Variants in TNS3 observed in about 807,000 individuals in gnomAD.
TNS3 encodes tensin-3.
In TNS3, 45 loss-of-function variants were observed where a neutral mutation model predicts 140.9. That is an observed-to-expected ratio of 0.32 (90% CI 0.25 to 0.41). The LOEUF is 0.41. Ranked by LOEUF, TNS3 falls within the 10% of genes least tolerant of loss-of-function variation. The pLI, the probability that TNS3 is intolerant of heterozygous loss-of-function variation, is 1.00. For synonymous variants in TNS3, 815 were observed against 788.4 expected, an observed-to-expected ratio of 1.03 and a Z score of -0.56; for missense variants, 1,716 against 1,906.7, an observed-to-expected ratio of 0.90 and a Z score of 1.86.
intron 17 of TNS3, among the ~76,000 whole-genome samples, chr7:47,360,232 A>G (rs1189113649): frequency 2.6e-5 from 4 of 152,182 alleles, no homozygotes; most frequent in Non-Finnish European, 4.4e-5. Context: ...GTGCACTCAC[A>G]TACACATGAC....
intron 3 of TNS3, among the ~76,000 whole-genome samples, chr7:47,482,353 G>C (rs1463781155): frequency 2.0e-5 from 3 of 152,184 alleles, no homozygotes; most frequent in Non-Finnish European, 4.4e-5. Flanking sequence ...TCCTGTGTCT[G>C]GGACACATCA....
At chr7:47,487,392 C>T (rs917362792) in intron 3 of TNS3, among the ~76,000 whole-genome samples, 2 of 152,184 alleles carry the variant, frequency 1.3e-5, no homozygotes, top group Non-Finnish European at 2.9e-5. Context: ...CTTGGCTCCT[C>T]TAATCGTTTC....
intron 8 of TNS3, among the ~76,000 whole-genome samples, chr7:47,430,834 C>G (rs1352077402): frequency 1.3e-5 from 2 of 151,976 alleles, no homozygotes; most frequent in African/African-American, 4.8e-5. Context: ...GATTCTCGTG[C>G]CTCAGCCTCC....
chr7:47,293,892 G>T, intron 24 of TNS3, 64 bp from the exon 25 acceptor site: 1 of 1,473,692 alleles, frequency 6.8e-7, no homozygotes, highest in South Asian at 1.2e-5. Context: ...GAATTCAATA[G>T]AGAGAACATA....
Position 47,275,777 on chromosome 7 carries a change from T to G in TNS3, c.*2299A>C, listed in dbSNP as rs1207502512. ...GATGCCCTTGACCACGTTTACCTTG[T>G]GTAAAAATCACACCTGGCCAATGAG... On this transcript the variant is annotated 3_prime_UTR_variant, in exon 31 of 31. Coordinates refer to ENST00000311160, the MANE Select transcript of TNS3 (RefSeq NM_022748.12). 2.2e-6 allele frequency: 1 copy of G among 455,468 alleles called. No individual in the cohort carries two copies. Among genetic ancestry groups the G allele is most frequent in the Admixed American group, 2.3e-5 (1 of 42,570 alleles). The allele number at this position is 455,468 out of a possible 1,614,324, so 28.2% of individuals were successfully genotyped here.
intron 16 of TNS3, among the ~76,000 whole-genome samples, chr7:47,370,211 G>C (rs1388710447): frequency 6.6e-6 from 1 of 152,126 alleles, no homozygotes; most frequent in Non-Finnish European, 1.5e-5. Context: ...GGGAGGCAGA[G>C]GTTGCAGTGA....
intron 2 of TNS3, among the ~76,000 whole-genome samples, chr7:47,511,963 G>A (rs1279392383): frequency 6.6e-6 from 1 of 152,214 alleles, no homozygotes; most frequent in African/African-American, 2.4e-5. Flanking sequence ...CTTCCACGAA[G>A]CTCCATGTAC....
chr7:47,552,361 A>G (rs1394468755), intron 1 of TNS3, among the ~76,000 whole-genome samples: 1 of 152,206 alleles, frequency 6.6e-6, no homozygotes, highest in Non-Finnish European at 1.5e-5. Context: ...AGACACACAC[A>G]GGCAGACAGA....
At chr7:47,562,506 C>T (rs1484320372) in intron 1 of TNS3, among the ~76,000 whole-genome samples, 3 of 152,052 alleles carry the variant, frequency 2.0e-5, no homozygotes, top group African/African-American at 7.2e-5. Context: ...CCTGTCGCAG[C>T]CTCCCAAGTA....
chr7:47,478,789 C>T (rs142335242), intron 4 of TNS3, among the ~76,000 whole-genome samples: 46 of 151,852 alleles, frequency 3.0e-4, no homozygotes, highest in East Asian at 2.1e-3. Context: ...CATTTGTGTG[C>T]GTATAACAAT....
In TNS3 at chr7:47,413,949, G is replaced by A. The variant is rs748708483; in HGVS notation, c.635C>T (p.Thr212Ile). Residue 212 changes from threonine to isoleucine, a missense_variant, in exon 12 of 31, where the codon ACC (threonine) becomes ATC (isoleucine). This residue lies in a region of TNS3 where 337 missense variants were observed against 428.9 expected (regional missense o/e 0.79). Transcript: ENST00000311160. ...KLYQAMQPVY[T>I]SGIYNVGPEN... ...CAGCAGCACTCACTAGATCCCGGAG[G>A]TGTACACAGGCTGCATGGCTTGGTA... The A allele has an allele frequency of 3.9e-5, 63 of 1,613,950 alleles. No individual in the cohort carries two copies. The highest frequency in any genetic ancestry group is 5.0e-5 in the Non-Finnish European group (59 of 1,180,018).
chr7:47,314,763 G>A (rs1787297867), intron 20 of TNS3, among the ~76,000 whole-genome samples: 1 of 152,196 alleles, frequency 6.6e-6, no homozygotes, highest in Admixed American at 6.5e-5. Flanking sequence ...CCGGGGTGGG[G>A]ATGACCGGGG....
intron 2 of TNS3, among the ~76,000 whole-genome samples, chr7:47,510,616 G>A (rs903036619): frequency 1.3e-5 from 2 of 152,160 alleles, no homozygotes; most frequent in African/African-American, 2.4e-5. Flanking sequence ...GCTCACGCCT[G>A]TAATCTCAAC....
chr7:47,363,012 T>A, intron 17 of TNS3, among the ~76,000 whole-genome samples: 1 of 149,366 alleles, frequency 6.7e-6, no homozygotes, highest in Non-Finnish European at 1.5e-5. Context: ...GTCATCACCA[T>A]CATCAGGGTC....
In TNS3 at chr7:47,277,661, G is replaced by A; in HGVS notation, c.*415C>T. ...TGCAGCTGGACAGAAGCGCCCATGC[G>A]GACGGGCGAAGCATGGCAGTCACTC... On this transcript the variant is annotated 3_prime_UTR_variant, in exon 31 of 31. Coordinates refer to ENST00000311160, the MANE Select transcript of TNS3 (RefSeq NM_022748.12). The A allele has an allele frequency of 3.6e-6, 1 of 275,658 alleles. No homozygotes were observed. Among genetic ancestry groups the A allele is most frequent in the Non-Finnish European group, 7.1e-6 (1 of 141,544 alleles). 17.1% of individuals were successfully genotyped at this position (275,658 alleles called of 1,614,324 possible).
Position 47,382,168 on chromosome 7 carries a change from G to A in TNS3, c.1025-12547C>T, listed in dbSNP as rs187965968. ...CATTTCTAATGGAAAGAGGCAGCAG[G>A]ATTAGTTGTATGTTCAAAAGGAGTG... On this transcript the variant is annotated intron_variant, in intron 16 of 30. Coordinates refer to ENST00000311160, the MANE Select transcript of TNS3 (RefSeq NM_022748.12). Among the ~76,000 whole-genome samples the A allele has an allele frequency of 3.3e-5, 5 of 152,280 alleles. No homozygotes were observed. In the East Asian group the frequency reaches 5.8e-4, roughly 18 times the overall value.
intron 16 of TNS3, among the ~76,000 whole-genome samples, chr7:47,388,378 T>C (rs1792195660): frequency 1.3e-5 from 2 of 152,100 alleles, no homozygotes; most frequent in South Asian, 4.2e-4. Flanking sequence ...ACAGTCAAGG[T>C]TGTAGTCCCC....
chr7:47,406,530 A>G (rs1239216005), intron 13 of TNS3, among the ~76,000 whole-genome samples: 1 of 152,210 alleles, frequency 6.6e-6, no homozygotes, highest in African/African-American at 2.4e-5. Flanking sequence ...ACGGAGGGGA[A>G]AACTCAAAGA....
At chr7:47,298,804 C>A (rs1216156895) in intron 23 of TNS3, among the ~76,000 whole-genome samples, 1 of 152,244 alleles carries the variant, frequency 6.6e-6, no homozygotes, top group Non-Finnish European at 1.5e-5. Context: ...GTTTCTTTTA[C>A]ACATTTTTCA....
Sources: gnomAD v4.1 joint callset for allele counts (sites outside exome capture counted in the v4.1 genomes callset) on GRCh38, gnomAD v4.1.1 for gene constraint, gnomAD v4.1.1 regional missense constraint, MANE v1.5 for transcripts, NCBI Gene and HGNC (gene_info 2026-07-23, HGNC 2026-07-21) for gene names.